TMX2: variants seen among roughly 807,000 people sequenced by gnomAD.
The protein encoded by TMX2 is thioredoxin-related transmembrane protein 2.
Under a neutral mutation model 33.4 loss-of-function variants are expected in TMX2, and 20 were observed. The ratio of observed to expected loss-of-function variants is 0.60; its 90% CI spans 0.42 to 0.87. The LOEUF (loss-of-function observed/expected upper bound fraction) is 0.87, where lower values mean the gene tolerates loss of function less well. Ranked by LOEUF, TMX2 falls within the 40% of genes least tolerant of loss-of-function variation. The pLI is 0.00. For synonymous variants in TMX2, 166 were observed against 140.7 expected (o/e 1.18, Z -1.27); for missense variants, 340 against 370.7 (o/e 0.92, Z 0.68).
intron 1 of TMX2, among the ~76,000 whole-genome samples, chr11:57,718,728 T>A (rs1290883165): frequency 1.4e-5 from 2 of 146,884 alleles, no homozygotes; most frequent in Non-Finnish European, 3.0e-5. Flanking sequence ...TGATCTTGGC[T>A]CACTGCAACC....
chr11:57,712,683 C>A lies in TMX2; in HGVS notation c.65C>A (p.Ala22Asp). The stretch of plus-strand genomic sequence containing the variant: ...GTGCCGCGACTTTCACGATGGCTCG[C>A]CCAACCTTACTACCTTCTGTCGGCC... ...YSVPRLSRWL[A>D]QPYYLLSALL... Residue 22 changes from alanine (A) to aspartate (D), a missense_variant, in exon 1 of 8, where the codon GCC (alanine) becomes GAC (aspartate). Transcript: ENST00000278422. 1.2e-6 allele frequency: 2 copies of A among 1,614,214 alleles called. No individual in the cohort carries two copies. The highest frequency in any genetic ancestry group is 8.5e-7 in the Non-Finnish European group (1 of 1,180,040).
chr11:57,721,229 A>T (rs1947606789), intron 1 of TMX2, among the ~76,000 whole-genome samples: 1 of 151,980 alleles, frequency 6.6e-6, no homozygotes. Flanking sequence ...TTGAACTGGG[A>T]GGCAGAGGTT....
chr11:57,721,495 T>G (rs1415699458), intron 1 of TMX2, among the ~76,000 whole-genome samples: 1 of 152,008 alleles, frequency 6.6e-6, no homozygotes, highest in Non-Finnish European at 1.5e-5. Flanking sequence ...TTTGTATTTT[T>G]AGTAGACATG....
In TMX2 at chr11:57,712,727, C is replaced by T. The variant is rs762616333; in HGVS notation, c.109C>T (p.Leu37=). 7 of 1,614,078 alleles carry T rather than the reference C, an allele frequency of 4.3e-6. No individual in the cohort carries two copies. The South Asian group carries it at 6.6e-5, about 15-fold the overall frequency. Residue 37 remains leucine (L), a synonymous_variant, in exon 1 of 8, where the codon CTA becomes TTA. Coordinates refer to ENST00000278422, the MANE Select transcript of TMX2 (RefSeq NM_015959.4). The part of the protein sequence containing the change: ...LLSALLSAAF[L]LVRKLPPLCH... ...GTCGGCCCTGCTCTCTGCTGCCTTC[C>T]TACTCGTGAGGAAACTGCCGCCGCT...
intron 1 of TMX2, among the ~76,000 whole-genome samples, chr11:57,717,415 T>C (rs898326144): frequency 4.6e-5 from 7 of 151,764 alleles, no homozygotes; most frequent in Admixed American, 2.0e-4. Context: ...TGGGCACCAT[T>C]GAGCACTGAG....
intron 1 of TMX2, among the ~76,000 whole-genome samples, chr11:57,733,202 G>C (rs556451976): frequency 2.1e-4 from 31 of 149,982 alleles, no homozygotes; most frequent in Non-Finnish European, 4.0e-4. Flanking sequence ...TGATAACTGT[G>C]GTTGTGTTTT....
intron 1 of TMX2, 63 bp from the exon 2 acceptor site, chr11:57,737,545 C>T (rs943893932): frequency 7.0e-7 from 1 of 1,424,274 alleles, no homozygotes. Flanking sequence ...ATTTAGTTCC[C>T]TTTCCCACCT....
intron 1 of TMX2, among the ~76,000 whole-genome samples, chr11:57,724,994 G>A (rs1452581341): frequency 1.3e-5 from 2 of 150,064 alleles, no homozygotes; most frequent in African/African-American, 4.9e-5. Context: ...AGCCAAGATC[G>A]TGCCACTGCA....
chr11:57,727,583 A>G (rs1320950781), intron 1 of TMX2, among the ~76,000 whole-genome samples: 3 of 152,168 alleles, frequency 2.0e-5, no homozygotes, highest in Admixed American at 6.5e-5. Context: ...TTACTTTCCT[A>G]TCTGACTCTG....
intron 1 of TMX2, among the ~76,000 whole-genome samples, chr11:57,723,239 G>A (rs1947752095): frequency 6.6e-6 from 1 of 152,172 alleles, no homozygotes; most frequent in Non-Finnish European, 1.5e-5. Context: ...CAGCACTTTG[G>A]GAGGCCAGGG....
In TMX2 at chr11:57,737,658, C is replaced by T; in HGVS notation, c.240C>T (p.Asn80=). Residue 80 remains asparagine (N), a synonymous_variant, in exon 2 of 8, where the codon AAC becomes AAT. Transcript: ENST00000278422. ...MFLSAIVMMK[N]RRSITVEQHI... The stretch of plus-strand genomic sequence containing the variant: ...TCAGTGCCATTGTGATGATGAAGAA[C>T]CGCAGATCCAGTAAGTTTAGTTCAC... The T allele has an allele frequency of 6.2e-7, 1 of 1,614,016 alleles. No homozygotes were observed. Among genetic ancestry groups the T allele is most frequent in the Non-Finnish European group, 8.5e-7 (1 of 1,179,856 alleles).
intron 7 of TMX2, 104 bp from the exon 8 acceptor site, chr11:57,739,995 T>C: frequency 1.3e-6 from 2 of 1,539,440 alleles, no homozygotes; most frequent in Non-Finnish European, 1.8e-6. Flanking sequence ...TGTCCTTTGC[T>C]TACTCCTTCC....
intron 1 of TMX2, among the ~76,000 whole-genome samples, chr11:57,737,149 G>A (rs187927806): frequency 2.0e-5 from 3 of 152,262 alleles, no homozygotes; most frequent in East Asian, 1.9e-4. Context: ...GAAAAGCACC[G>A]CAGGCCTGGC....
intron 1 of TMX2, among the ~76,000 whole-genome samples, chr11:57,733,851 C>A (rs1948559196): frequency 6.6e-6 from 1 of 152,144 alleles, no homozygotes; most frequent in South Asian, 2.1e-4. Flanking sequence ...GTCATCCCAG[C>A]ATCATCCAGC....
At chr11:57,731,987 T>G (rs1400752765) in intron 1 of TMX2, among the ~76,000 whole-genome samples, 1 of 152,174 alleles carries the variant, frequency 6.6e-6, no homozygotes, top group Non-Finnish European at 1.5e-5. Context: ...AATGTGAATA[T>G]TCATACCAAA....
At position 57,740,705 on chromosome 11, in the gene TMX2, TCGTTTA is replaced by T. The variant is rs1949034097; in HGVS notation, c.*461_*466del. 6.4e-6 allele frequency: 1 copy of T among 156,128 alleles called. No homozygotes were observed. Among genetic ancestry groups the T allele is most frequent in the African/African-American group, 2.4e-5 (1 of 41,488 alleles). The allele number at this position is 156,128 out of a possible 1,614,324, so 9.7% of individuals were successfully genotyped here. A position where few individuals can be genotyped will look rare whatever the true frequency, so the allele number is the denominator to read the frequency against. On this transcript the variant is annotated 3_prime_UTR_variant, in exon 8 of 8. Coordinates refer to ENST00000278422, the MANE Select transcript of TMX2 (RefSeq NM_015959.4). ...CTTGCTTCCTTAAGCCCTTCTGGCT[TCGTTTA>T]TGGTCTTCATTAAAAGTATAAGCCT...
chr11:57,717,943 C>G (rs1016894218), intron 1 of TMX2: 2 of 687,782 alleles, frequency 2.9e-6, no homozygotes, highest in African/African-American at 3.6e-5. Context: ...CACAAAGATT[C>G]TAGGATACTG....
At chr11:57,732,075 A>G (rs1439517664) in intron 1 of TMX2, among the ~76,000 whole-genome samples, 1 of 152,232 alleles carries the variant, frequency 6.6e-6, no homozygotes, top group Non-Finnish European at 1.5e-5. Context: ...GGAAAGGAAA[A>G]GGAGACCAAA....
At chr11:57,728,911 A>G (rs1565224886) in intron 1 of TMX2, among the ~76,000 whole-genome samples, 1 of 152,106 alleles carries the variant, frequency 6.6e-6, no homozygotes, top group Non-Finnish European at 1.5e-5. Flanking sequence ...TAATTTAAAA[A>G]ATGGCTCATC....
Sources: gnomAD v4.1 joint callset for allele counts (sites outside exome capture counted in the v4.1 genomes callset) on GRCh38, gnomAD v4.1.1 for gene constraint, MANE v1.5 for transcripts, NCBI Gene and HGNC (gene_info 2026-07-23, HGNC 2026-07-21) for gene names.